Variants in ROBO2 observed in about 807,000 individuals in gnomAD.
ROBO2 encodes roundabout guidance receptor 2.
ROBO2 carries 53 observed loss-of-function variants against 160.8 expected under a neutral mutation model. The ratio of observed to expected loss-of-function variants is 0.33; its 90% CI spans 0.26 to 0.41. The LOEUF is 0.41. Ranked by LOEUF, ROBO2 falls within the 10% of genes least tolerant of loss-of-function variation. The pLI is 1.00. For synonymous variants in ROBO2, 664 were observed against 611.7 expected (o/e 1.09, Z -1.26); for missense variants, 1,577 against 1,722.4 (o/e 0.92, Z 1.49).
At chr3:77,043,513 G>A (rs2064305426) in intron 1 of ROBO2, among the ~76,000 whole-genome samples, 1 of 152,210 alleles carries the variant, frequency 6.6e-6, no homozygotes, top group African/African-American at 2.4e-5. Flanking sequence ...AATCCATAGA[G>A]AGCAAATATT....
At chr3:75,979,679 A>G (rs909712764) in intron 2 of ROBO2, among the ~76,000 whole-genome samples, 1 of 151,522 alleles carries the variant, frequency 6.6e-6, no homozygotes, top group East Asian at 1.9e-4. Context: ...TGTCCCTTCA[A>G]TGTCTATATA....
intron 2 of ROBO2, among the ~76,000 whole-genome samples, chr3:76,351,351 T>C (rs561770381): frequency 2.0e-5 from 3 of 152,042 alleles, no homozygotes; most frequent in Non-Finnish European, 4.4e-5. Context: ...TTAAAAGTAA[T>C]GTAAGAGTTA....
At chr3:76,266,396 T>G (rs1452619848) in intron 2 of ROBO2, among the ~76,000 whole-genome samples, 1 of 152,098 alleles carries the variant, frequency 6.6e-6, no homozygotes, top group African/African-American at 2.4e-5. Flanking sequence ...TTCCACTAAT[T>G]TACATATTAT....
At chr3:76,678,559 G>T (rs1340645217) in intron 2 of ROBO2, among the ~76,000 whole-genome samples, 1 of 152,122 alleles carries the variant, frequency 6.6e-6, no homozygotes, top group Admixed American at 6.5e-5. Context: ...ACTTGTCTTT[G>T]ACGTTAAAGT....
Position 77,070,296 on chromosome 3 carries a change from G to A in ROBO2, c.62-27718G>A, listed in dbSNP as rs78128380. ...TAATAATTGATTACAACAACCCTAG[G>A]AAACTAATGCATCTTCCTTGCCTCT... On this transcript the variant is annotated intron_variant, in intron 1 of 25. Transcript: ENST00000461745. 1.0e-3 allele frequency among the ~76,000 whole-genome samples: 156 copies of A among 152,214 alleles called. 2 individuals are homozygous for A. The East Asian group carries it at 0.029, about 28-fold the overall frequency.
chr3:75,948,031 C>T (rs1249496971), intron 2 of ROBO2, among the ~76,000 whole-genome samples: 1 of 151,912 alleles, frequency 6.6e-6, no homozygotes, highest in Non-Finnish European at 1.5e-5. Flanking sequence ...GTAAGGAAGC[C>T]AACACGGATG....
At chr3:77,561,080 C>T (rs78813739) in intron 9 of ROBO2, among the ~76,000 whole-genome samples, 1,654 of 152,148 alleles carry the variant, frequency 0.011, 71 homozygotes, top group Admixed American at 0.092. Context: ...GATAATATGG[C>T]AAAGAATGTC....
At chr3:77,272,866 A>C (rs542843332) in intron 2 of ROBO2, among the ~76,000 whole-genome samples, 8 of 152,266 alleles carry the variant, frequency 5.3e-5, no homozygotes, top group African/African-American at 1.9e-4. Flanking sequence ...TTTTATAAAA[A>C]ATCTCTCTCT....
intron 2 of ROBO2, among the ~76,000 whole-genome samples, chr3:76,074,565 T>A (rs2068581592): frequency 6.6e-6 from 1 of 152,136 alleles, no homozygotes; most frequent in Non-Finnish European, 1.5e-5. Flanking sequence ...TCTTAATATC[T>A]CATCAGGAAA....
At chr3:77,492,681 A>G (rs1350569571) in intron 4 of ROBO2, among the ~76,000 whole-genome samples, 3 of 152,178 alleles carry the variant, frequency 2.0e-5, no homozygotes, top group Non-Finnish European at 2.9e-5. Flanking sequence ...AATCAGGTAG[A>G]CATCTTTCCA....
intron 2 of ROBO2, among the ~76,000 whole-genome samples, chr3:76,980,272 C>T (rs2060029214): frequency 6.6e-6 from 1 of 152,164 alleles, no homozygotes; most frequent in Non-Finnish European, 1.5e-5. Context: ...CCTAAGTAAT[C>T]AAAAGGCAGA....
intron 2 of ROBO2, among the ~76,000 whole-genome samples, chr3:77,274,977 T>C (rs941150333): frequency 1.3e-5 from 2 of 152,124 alleles, no homozygotes; most frequent in African/African-American, 2.4e-5. Flanking sequence ...AACATTCTTT[T>C]GGGTACTTAA....
intron 2 of ROBO2, among the ~76,000 whole-genome samples, chr3:76,781,098 G>A (rs949094011): frequency 2.0e-5 from 3 of 150,498 alleles, no homozygotes; most frequent in South Asian, 2.1e-4. Context: ...TTTCATCAGT[G>A]TTTTACAGTT....
At chr3:77,310,249 T>G (rs1239116022) in intron 2 of ROBO2, among the ~76,000 whole-genome samples, 1 of 152,190 alleles carries the variant, frequency 6.6e-6, no homozygotes, top group Non-Finnish European at 1.5e-5. Context: ...TGGTAAAATT[T>G]AGTCCCTATT....
intron 2 of ROBO2, among the ~76,000 whole-genome samples, chr3:76,661,468 A>T (rs2091816674): frequency 6.6e-6 from 1 of 152,184 alleles, no homozygotes; most frequent in African/African-American, 2.4e-5. Flanking sequence ...TGTACTCAAG[A>T]TGGTCAGGTC....
At chr3:76,153,400 A>G (rs766292639) in intron 2 of ROBO2, among the ~76,000 whole-genome samples, 1 of 152,168 alleles carries the variant, frequency 6.6e-6, no homozygotes, top group Non-Finnish European at 1.5e-5. Flanking sequence ...AATCAAGTGA[A>G]TGGATGCACA....
At chr3:77,013,325 T>C (rs1296571776) in intron 2 of ROBO2, among the ~76,000 whole-genome samples, 4 of 152,168 alleles carry the variant, frequency 2.6e-5, no homozygotes, top group African/African-American at 9.7e-5. Flanking sequence ...AACTAAATTA[T>C]ATTTTCCCAT....
chr3:76,815,623 C>G (rs1388466097), intron 2 of ROBO2, among the ~76,000 whole-genome samples: 1 of 150,364 alleles, frequency 6.7e-6, no homozygotes, highest in Non-Finnish European at 1.5e-5. Context: ...CAAAATCATT[C>G]TTTAAGGGCT....
intron 10 of ROBO2, 57 bp downstream of exon 11, chr3:77,562,789 C>A: frequency 1.6e-6 from 2 of 1,212,386 alleles, no homozygotes. Flanking sequence ...AGCTCAATAT[C>A]AAATAATAAG....
Sources: gnomAD v4.1 joint callset for allele counts (sites outside exome capture counted in the v4.1 genomes callset) on GRCh38, gnomAD v4.1.1 for gene constraint, MANE v1.5 for transcripts, NCBI Gene and HGNC (gene_info 2026-07-23, HGNC 2026-07-21) for gene names.